The following CA3 variants were observed in gnomAD, a reference collection of about 807,000 sequenced individuals.
The protein encoded by CA3 is carbonic anhydrase 3.
CA3 carries 30 observed loss-of-function variants against 35.7 expected under a neutral mutation model. The ratio of observed to expected loss-of-function variants is 0.84; its 90% CI spans 0.63 to 1.14. The LOEUF is 1.14. Among genes scored for constraint, CA3 ranks in the 50% most tolerant of loss-of-function variants. The pLI is 0.00. For missense variants in CA3, 295 were observed against 328.5 expected, an observed-to-expected ratio of 0.90 and a Z score of 0.79; for synonymous variants, 131 against 130.8, an observed-to-expected ratio of 1.00 and a Z score of -0.01.
At chr8:85,447,916 C>G (rs1211843817) in intron 6 of CA3, 118 bp from the exon 7 acceptor site, 3 of 978,488 alleles carry the variant, frequency 3.1e-6, no homozygotes, top group Non-Finnish European at 4.4e-6. Context: ...AACAAACAAA[C>G]AAACAAACAA....
intron 2 of CA3, 91 bp downstream of exon 2, chr8:85,440,000 G>A (rs2130499123): frequency 1.1e-6 from 1 of 898,814 alleles, no homozygotes; most frequent in Non-Finnish European, 1.8e-6. Context: ...GAATTAATGG[G>A]GAGAGGGAGC....
At position 85,444,077 on chromosome 8, in the gene CA3, A is replaced by G. The variant is rs1811244293; in HGVS notation, c.395A>G (p.Glu132Gly). ...HWNPKYNTFK[E>G]ALKQRDGIAV... ...AACCCGAAGTATAACACTTTTAAAG[A>G]AGCCCTGAAGCAGCGCGATGGGATC... Residue 132 changes from glutamate to glycine, a missense_variant, in exon 4 of 7, where the codon GAA becomes GGA. By Grantham distance (98) the Glu-to-Gly change is moderately conservative (BLOSUM62 -2). Transcript: ENST00000285381. 6.2e-7 allele frequency: 1 copy of G among 1,613,852 alleles called. No homozygotes were observed. The highest frequency in any genetic ancestry group is 1.1e-5 in the South Asian group (1 of 91,076).
chr8:85,442,168 G>A lies in CA3; in HGVS notation c.328G>A (p.Asp110Asn), dbSNP rs758455392. Residue 110 changes from aspartate to asparagine, a missense_variant, in exon 3 of 7, where the codon GAT becomes AAT. Coordinates refer to ENST00000285381, the MANE Select transcript of CA3 (RefSeq NM_005181.4). ...SDDHGSEHTVDGVKYAAELHL... is the reference protein window; with the variant it reads ...SDDHGSEHTVNGVKYAAELHL... ...TGATCATGGCTCTGAGCACACCGTG[G>A]ATGGAGTCAAGTATGCAGCGGAGGT... The A allele has an allele frequency of 2.0e-5, 32 of 1,598,820 alleles. No individual in the cohort carries two copies. Among genetic ancestry groups the A allele is most frequent in the Non-Finnish European group, 2.5e-5 (29 of 1,166,182 alleles).
intron 5 of CA3, 94 bp downstream of exon 5, chr8:85,445,312 T>TA: frequency 1.3e-6 from 1 of 772,544 alleles, no homozygotes; most frequent in Non-Finnish European, 2.1e-6. Flanking sequence ...TAAAATCTGT[T>TA]ACTAAGTTTG....
intron 5 of CA3, 132 bp from the exon 6 acceptor site, chr8:85,446,010 T>C (rs1316545517): frequency 1.2e-6 from 1 of 846,484 alleles, no homozygotes; most frequent in South Asian, 2.1e-5. Flanking sequence ...GAAAGGCTTA[T>C]ACTTTGTTTA....
Position 85,444,072 on chromosome 8 carries a change from T to C in CA3, c.390T>C (p.Phe130=). 2 of 1,613,916 alleles carry C rather than the reference T, an allele frequency of 1.2e-6. No homozygotes were observed. The highest frequency in any genetic ancestry group is 1.7e-6 in the Non-Finnish European group (2 of 1,179,774). The part of the protein sequence containing the change: ...LVHWNPKYNT[F]KEALKQRDGI... ...ACTGGAACCCGAAGTATAACACTTT[T>C]AAAGAAGCCCTGAAGCAGCGCGATG... The change falls in exon 4 of 7, where the codon TTT becomes TTC. Residue 130 remains phenylalanine, a synonymous_variant. Transcript: ENST00000285381.
At chr8:85,439,398 G>A (rs1379417245) in intron 1 of CA3, among the ~76,000 whole-genome samples, 1 of 152,110 alleles carries the variant, frequency 6.6e-6, no homozygotes, top group African/African-American at 2.4e-5. Flanking sequence ...AATGTAGGTG[G>A]TCAATATTAT....
chr8:85,445,206 G>T lies in CA3; in HGVS notation c.495G>T (p.Lys165Asn), dbSNP rs768157329. ...EFQIFLDALDKIKTKGKEAPF... is the reference protein window; with the variant it reads ...EFQIFLDALDNIKTKGKEAPF... ...AGATTTTCCTTGATGCATTGGACAA[G>T]ATTAAGACAAAGGTAAACAAAAATC... The change falls in exon 5 of 7, where the codon AAG (lysine) becomes AAT (asparagine). Residue 165 changes from lysine to asparagine, a missense_variant. Transcript: ENST00000285381. 1 of 1,601,706 alleles carries T rather than the reference G, an allele frequency of 6.2e-7. No homozygotes were observed. The highest frequency in any genetic ancestry group is 1.7e-5 in the Admixed American group (1 of 59,018).
intron 2 of CA3, among the ~76,000 whole-genome samples, chr8:85,440,897 A>C (rs1811198304): frequency 6.6e-6 from 1 of 152,220 alleles, no homozygotes. Context: ...ACCATTTTGA[A>C]AGCAACATAA....
intron 2 of CA3, among the ~76,000 whole-genome samples, chr8:85,441,668 A>G (rs1435615697): frequency 2.0e-5 from 3 of 152,208 alleles, no homozygotes; most frequent in Non-Finnish European, 4.4e-5. Context: ...GCCTGAGACC[A>G]CAGAACTAGC....
At position 85,446,281 on chromosome 8, in the gene CA3, C is replaced by A. The variant is rs780503116; in HGVS notation, c.647C>A (p.Thr216Asn). The change falls in exon 6 of 7, where the codon ACC becomes AAC. Residue 216 changes from threonine to asparagine, a missense_variant. Coordinates refer to ENST00000285381, the MANE Select transcript of CA3 (RefSeq NM_005181.4). ...IVWLLLKEPMTVSSDQMAKLR... is the reference protein window; with the variant it reads ...IVWLLLKEPMNVSSDQMAKLR... ...TGGCTGCTGCTGAAGGAGCCCATGACCGTGAGCTCTGACCAGGTGAGCAGC... is the reference window on the plus strand; with the variant it reads ...TGGCTGCTGCTGAAGGAGCCCATGAACGTGAGCTCTGACCAGGTGAGCAGC... The A allele has an allele frequency of 6.2e-7, 1 of 1,613,638 alleles. No individual in the cohort carries two copies. Among genetic ancestry groups the A allele is most frequent in the East Asian group, 2.2e-5 (1 of 44,868 alleles).
Position 85,442,154 on chromosome 8 carries a change from C to G in CA3, c.314C>G (p.Ser105Cys). Reference protein sequence around the residue: ...LHWGSSDDHGSEHTVDGVKYA... With the variant: ...LHWGSSDDHGCEHTVDGVKYA... ...TGGGGCTCTTCGGATGATCATGGCTCTGAGCACACCGTGGATGGAGTCAAG... is the reference window on the plus strand; with the variant it reads ...TGGGGCTCTTCGGATGATCATGGCTGTGAGCACACCGTGGATGGAGTCAAG... The change falls in exon 3 of 7, where the codon TCT becomes TGT. Residue 105 changes from serine to cysteine, a missense_variant. Ser to Cys is a moderately radical substitution (Grantham distance 112). Coordinates refer to ENST00000285381, the MANE Select transcript of CA3 (RefSeq NM_005181.4). 6.2e-7 allele frequency: 1 copy of G among 1,608,480 alleles called. No homozygotes were observed. The highest frequency in any genetic ancestry group is 8.5e-7 in the Non-Finnish European group (1 of 1,174,858).
Position 85,444,063 on chromosome 8 carries a change from T to C in CA3, c.381T>C (p.Tyr127=), listed in dbSNP as rs773612333. 1 of 1,613,616 alleles carries C rather than the reference T, an allele frequency of 6.2e-7. No homozygotes were observed. The highest frequency in any genetic ancestry group is 8.5e-7 in the Non-Finnish European group (1 of 1,179,486). The part of the protein sequence containing the change: ...ELHLVHWNPK[Y]NTFKEALKQR... ...ATTTGGTTCACTGGAACCCGAAGTA[T>C]AACACTTTTAAAGAAGCCCTGAAGC... Residue 127 remains tyrosine (Y), a synonymous_variant, in exon 4 of 7, where the codon TAT becomes TAC. Transcript: ENST00000285381.
At chr8:85,442,831 C>A (rs1483620800) in intron 3 of CA3, among the ~76,000 whole-genome samples, 1 of 152,142 alleles carries the variant, frequency 6.6e-6, no homozygotes, top group Non-Finnish European at 1.5e-5. Flanking sequence ...CATGTATTAA[C>A]TCATTAGATC....
chr8:85,443,410 C>A (rs1317444825), intron 3 of CA3, among the ~76,000 whole-genome samples: 1 of 152,172 alleles, frequency 6.6e-6, no homozygotes, highest in African/African-American at 2.4e-5. Flanking sequence ...CTCAGAAACA[C>A]ACTATGAACA....
chr8:85,439,585 A>G lies in CA3; in HGVS notation c.35-127A>G, dbSNP rs1811178620. ...ATGAATGCTAAGTCTCTTATTGCCCAGTCTGAAACCTAAGACCTTTTTGAA... is the reference window on the plus strand; with the variant it reads ...ATGAATGCTAAGTCTCTTATTGCCCGGTCTGAAACCTAAGACCTTTTTGAA... On this transcript the variant is annotated intron_variant, in intron 1 of 6. Coordinates refer to ENST00000285381, the MANE Select transcript of CA3 (RefSeq NM_005181.4). 3 of 631,494 alleles carry G rather than the reference A, an allele frequency of 4.8e-6. No individual in the cohort carries two copies. The East Asian group carries it at 8.2e-5, about 17-fold the overall frequency. The allele number at this position is 631,494 out of a possible 1,614,324, so 39.1% of individuals were successfully genotyped here.
At chr8:85,443,790 G>C (rs963440841) in intron 3 of CA3, among the ~76,000 whole-genome samples, 5 of 152,160 alleles carry the variant, frequency 3.3e-5, no homozygotes, top group African/African-American at 1.2e-4. Context: ...TTAAGGTCAG[G>C]TTGCCACCAG....
intron 4 of CA3, among the ~76,000 whole-genome samples, chr8:85,444,592 T>C (rs969569526): frequency 9.2e-5 from 14 of 152,196 alleles, no homozygotes; most frequent in Middle Eastern, 3.2e-3. Context: ...CAGGCTAAGA[T>C]AGCACATGGA....
intron 6 of CA3, among the ~76,000 whole-genome samples, chr8:85,447,448 A>G (rs947190594): frequency 3.3e-5 from 5 of 152,230 alleles, no homozygotes; most frequent in Non-Finnish European, 7.3e-5. Context: ...ATTCAACAGG[A>G]AAAGGTTGTG....
Sources: gnomAD v4.1 joint callset for allele counts (sites outside exome capture counted in the v4.1 genomes callset) on GRCh38, gnomAD v4.1.1 for gene constraint, MANE v1.5 for transcripts, NCBI Gene and HGNC (gene_info 2026-07-23, HGNC 2026-07-21) for gene names.